DSTN: variants seen among roughly 807,000 people sequenced by gnomAD.
DSTN encodes destrin, actin depolymerizing factor.
A neutral mutation model predicts 16.8 loss-of-function variants in DSTN; 10 were observed. The observed-to-expected ratio is 0.60, with a 90% CI of 0.37 to 1.01. The LOEUF is 1.01. Among genes scored for constraint, DSTN ranks in the 50% least tolerant of loss-of-function variants. The probability of loss-of-function intolerance (pLI) is 0.01; values close to 1 mark genes in which losing one functional copy is unlikely to be tolerated. For synonymous variants in DSTN, 57 were observed against 58.9 expected, an observed-to-expected ratio of 0.97 and a Z score of 0.14; for missense variants, 141 against 196.7, an observed-to-expected ratio of 0.72 and a Z score of 1.69.
At chr20:17,582,631 G>A (rs1324260034) in intron 1 of DSTN, among the ~76,000 whole-genome samples, 1 of 152,106 alleles carries the variant, frequency 6.6e-6, no homozygotes, top group African/African-American at 2.4e-5. Context: ...AAATGGTGCT[G>A]GCACAATTGG....
intron 1 of DSTN, among the ~76,000 whole-genome samples, chr20:17,579,318 T>C (rs1165379922): frequency 6.6e-6 from 1 of 152,186 alleles, no homozygotes; most frequent in Non-Finnish European, 1.5e-5. Context: ...CTCATGCCTG[T>C]AATCCTAGCA....
chr20:17,582,877 A>G (rs2035361847), intron 1 of DSTN, among the ~76,000 whole-genome samples: 1 of 152,224 alleles, frequency 6.6e-6, no homozygotes, highest in Non-Finnish European at 1.5e-5. Context: ...ACTTCATTGT[A>G]TTCAAAAATG....
chr20:17,571,993 G>A (rs1467615298), intron 1 of DSTN, among the ~76,000 whole-genome samples: 1 of 152,122 alleles, frequency 6.6e-6, no homozygotes, highest in Non-Finnish European at 1.5e-5. Context: ...GGTTATTTTT[G>A]TTTTTAGCCT....
intron 2 of DSTN, among the ~76,000 whole-genome samples, chr20:17,602,940 A>C (rs2035602420): frequency 6.6e-6 from 1 of 152,162 alleles, no homozygotes; most frequent in Admixed American, 6.5e-5. Flanking sequence ...GAATCGCTTG[A>C]ATCTGGGAGG....
intron 1 of DSTN, among the ~76,000 whole-genome samples, chr20:17,577,509 G>A (rs1282659445): frequency 6.6e-6 from 1 of 151,818 alleles, no homozygotes; most frequent in East Asian, 1.9e-4. Flanking sequence ...GGAGGTTGTG[G>A]TGAACCGAGA....
At chr20:17,570,402 C>A (rs8119836) in intron 1 of DSTN, among the ~76,000 whole-genome samples, 191 bp downstream of exon 1, 9,479 of 152,270 alleles carry the variant, frequency 0.062, 460 homozygotes, top group African/African-American at 0.13. Flanking sequence ...TGGCTGGGCC[C>A]CCGCGCCCCG....
Position 17,609,779 on chromosome 20 carries a change from T to C in DSTN, c.*2633T>C, listed in dbSNP as rs919857013. 1.3e-5 allele frequency: 2 copies of C among 152,206 alleles called. No homozygotes were observed. Among genetic ancestry groups the C allele is most frequent in the African/African-American group, 4.8e-5 (2 of 41,452 alleles). 9.4% of individuals were successfully genotyped at this position (152,206 alleles called of 1,614,324 possible). On this transcript the variant is annotated 3_prime_UTR_variant, in exon 4 of 4. Transcript: ENST00000246069. ...CAGGAACAAAACTGCAAGTATACTCTGTTTCCAGAAAATACGTTTACCTCT... is the reference window on the plus strand; with the variant it reads ...CAGGAACAAAACTGCAAGTATACTCCGTTTCCAGAAAATACGTTTACCTCT...
chr20:17,570,321 G>A lies in DSTN; in HGVS notation c.3+110G>A, dbSNP rs564102348. 5 of 1,330,364 alleles carry A rather than the reference G, an allele frequency of 3.8e-6. No individual in the cohort carries two copies. In the African/African-American group the frequency reaches 6.2e-5, roughly 16 times the overall value. The allele number at this position is 1,330,364 out of a possible 1,614,324, so 82.4% of individuals were successfully genotyped here. A position where few individuals can be genotyped will look rare whatever the true frequency, so the allele number is the denominator to read the frequency against. On this transcript the variant is annotated intron_variant, in intron 1 of 3. Transcript: ENST00000246069. ...GTGAGCCGTGCCTCAGCCCGGGGAG[G>A]GACCCGGTCCGGCTGCAGTGTCCGG...
At chr20:17,581,540 T>G (rs973948295) in intron 1 of DSTN, among the ~76,000 whole-genome samples, 51 of 152,142 alleles carry the variant, frequency 3.4e-4, no homozygotes, top group African/African-American at 1.2e-3. Context: ...TAGATGGTGG[T>G]AGCTTGAATT....
In DSTN at chr20:17,600,078, C is replaced by T. The variant is rs146421860; in HGVS notation, c.4-660C>T. 3.5e-4 allele frequency among the ~76,000 whole-genome samples: 54 copies of T among 152,240 alleles called. 1 individual carries two copies. Among genetic ancestry groups the T allele is most frequent in the Admixed American group, 2.3e-3 (35 of 15,286 alleles). On this transcript the variant is annotated intron_variant, in intron 1 of 3. Transcript: ENST00000246069. The stretch of plus-strand genomic sequence containing the variant: ...GCCCAGAATAGCAAGTATAACATAG[C>T]GAAAGGTAATTTTTCTGGTCAGTAT...
intron 1 of DSTN, among the ~76,000 whole-genome samples, chr20:17,593,204 A>G (rs1395887310): frequency 1.3e-5 from 2 of 152,180 alleles, no homozygotes; most frequent in East Asian, 3.8e-4. Flanking sequence ...TTAAGTCAGC[A>G]TGAAACTACC....
chr20:17,573,180 T>C (rs1238509994), intron 1 of DSTN, among the ~76,000 whole-genome samples: 1 of 152,240 alleles, frequency 6.6e-6, no homozygotes, highest in African/African-American at 2.4e-5. Context: ...GAAATTGATA[T>C]TCATTGATAG....
At chr20:17,575,109 T>C (rs1208261275) in intron 1 of DSTN, among the ~76,000 whole-genome samples, 3 of 152,144 alleles carry the variant, frequency 2.0e-5, no homozygotes, top group Non-Finnish European at 2.9e-5. Flanking sequence ...CCTCCCAAAG[T>C]GTTGGGATTA....
intron 2 of DSTN, among the ~76,000 whole-genome samples, chr20:17,601,704 A>C (rs1025982227): frequency 6.6e-6 from 1 of 152,132 alleles, no homozygotes; most frequent in African/African-American, 2.4e-5. Flanking sequence ...GGGCAGTGTT[A>C]CTCTTAGATA....
At chr20:17,579,884 G>T (rs1265178166) in intron 1 of DSTN, among the ~76,000 whole-genome samples, 1 of 152,240 alleles carries the variant, frequency 6.6e-6, no homozygotes, top group African/African-American at 2.4e-5. Flanking sequence ...TGCATGGAGA[G>T]CTTGCTGCTG....
intron 1 of DSTN, among the ~76,000 whole-genome samples, chr20:17,574,661 G>A (rs897795893): frequency 1.4e-5 from 2 of 140,496 alleles, no homozygotes; most frequent in Non-Finnish European, 3.0e-5. Flanking sequence ...AGGAGGCGGA[G>A]GTTGTAGTGA....
At chr20:17,598,128 A>G (rs1408370979) in intron 1 of DSTN, among the ~76,000 whole-genome samples, 12 of 152,168 alleles carry the variant, frequency 7.9e-5, no homozygotes. Context: ...CTTTTGGTCT[A>G]TTTTGAATAA....
chr20:17,571,239 G>A (rs369171271), intron 1 of DSTN, among the ~76,000 whole-genome samples: 8 of 152,344 alleles, frequency 5.3e-5, no homozygotes, highest in African/African-American at 1.9e-4. Flanking sequence ...GTGATTTGCA[G>A]GCGTAGCCTT....
chr20:17,594,850 G>A (rs954315229), intron 1 of DSTN, among the ~76,000 whole-genome samples: 2 of 152,190 alleles, frequency 1.3e-5, no homozygotes, highest in Admixed American at 6.5e-5. Flanking sequence ...TAGGCTTGGA[G>A]CCTTATGTGA....
Sources: allele counts gnomAD v4.1 joint callset (sites outside exome capture counted in the v4.1 genomes callset), GRCh38; gene constraint gnomAD v4.1.1; transcripts MANE v1.5; gene names NCBI Gene and HGNC (gene_info 2026-07-23, HGNC 2026-07-21).